The following DDX60L variants were observed in gnomAD, a reference collection of about 807,000 sequenced individuals.
The protein encoded by DDX60L is DExD/H-box 60 like, also known as probable ATP-dependent RNA helicase DDX60-like.
DDX60L carries 191 observed loss-of-function variants against 211.6 expected under a neutral mutation model. That is an observed-to-expected ratio of 0.90 (90% CI 0.80 to 1.02). The LOEUF is 1.02. DDX60L is among the 50% of genes least tolerant of loss of function. DDX60L has a pLI of 0.00. For synonymous variants in DDX60L, 706 were observed against 694.1 expected, an observed-to-expected ratio of 1.02 and a Z score of -0.27; for missense variants, 2,007 against 1,984.1, an observed-to-expected ratio of 1.01 and a Z score of -0.22.
chr4:168,394,797 A>T (rs554280978), intron 27 of DDX60L, among the ~76,000 whole-genome samples, 180 bp from the exon 28 acceptor site: 2 of 152,332 alleles, frequency 1.3e-5, no homozygotes, highest in South Asian at 4.1e-4. Flanking sequence ...ATTTTTGTGA[A>T]CAGACTCTCT....
chr4:168,427,382 C>T (rs1751633457), intron 13 of DDX60L, 60 bp from the exon 14 acceptor site: 4 of 1,547,218 alleles, frequency 2.6e-6, no homozygotes, highest in Non-Finnish European at 3.5e-6. Flanking sequence ...TGACATTTCA[C>T]TAGTGAGATT....
chr4:168,405,809 A>C (rs1747649363), intron 24 of DDX60L, 141 bp downstream of exon 24: 5 of 855,998 alleles, frequency 5.8e-6, no homozygotes, highest in Admixed American at 3.4e-5. Flanking sequence ...TCTCATACTC[A>C]CTGGATAACA....
rs1439815998 is a variant in DDX60L, at chr4:168,441,460, T to A, written c.1171A>T (p.Arg391Trp). The change falls in exon 10 of 38, where the codon AGG becomes TGG. Residue 391 changes from arginine (R) to tryptophan (W), a missense_variant. Physicochemically the swap from Arg to Trp is moderately radical, Grantham distance 101 (BLOSUM62 -3). Transcript: ENST00000682922. ...PHLNLGDSIRRDYEDLWNVVS... is the reference protein window; with the variant it reads ...PHLNLGDSIRWDYEDLWNVVS... Reference sequence around the variant, plus strand: ...ACATTCCACAGGTCTTCATAATCCCTCCTAATGGAATCTCCCAAATTCAAA... The same window carrying A: ...ACATTCCACAGGTCTTCATAATCCCACCTAATGGAATCTCCCAAATTCAAA... 18 of 1,605,308 alleles carry A rather than the reference T, an allele frequency of 1.1e-5. No individual in the cohort carries two copies. The highest frequency in any genetic ancestry group is 1.4e-5 in the Non-Finnish European group (17 of 1,176,900).
rs1257898382 is a variant in DDX60L at position 168,358,033 on chromosome 4, TTC to T, written c.*112_*113del. 4 of 927,196 alleles carry T rather than the reference TTC, an allele frequency of 4.3e-6. No individual in the cohort carries two copies. In the African/African-American group the frequency reaches 6.8e-5, roughly 16 times the overall value. The allele number at this position is 927,196 out of a possible 1,614,324, so 57.4% of individuals were successfully genotyped here. ...TAGCAGAGCTGATATCTGAGTTTAA[TTC>T]TGTTTGACTCCAAGACAAACATTTT... On this transcript the variant is annotated 3_prime_UTR_variant, in exon 38 of 38. Transcript: ENST00000682922.
chr4:168,441,389 A>C lies in DDX60L; in HGVS notation c.1242T>G (p.Pro414=). ...VKEFNVGKSF[P]LRTTRRHFLR... ...GAAAATGTCTTCTTGTTGTTCTCAG[A>C]GGAAAAGACTTTCCAACGTTAAATT... Residue 414 remains proline (P), a synonymous_variant, in exon 10 of 38, where the codon CCT becomes CCG. Coordinates refer to ENST00000682922, the MANE Select transcript of DDX60L (RefSeq NM_001012967.3). 6.2e-7 allele frequency: 1 copy of C among 1,612,516 alleles called. No homozygotes were observed. Among genetic ancestry groups the C allele is most frequent in the South Asian group, 1.1e-5 (1 of 90,830 alleles).
At chr4:168,427,017 A>C in intron 14 of DDX60L, 53 bp downstream of exon 14, 1 of 1,508,042 alleles carries the variant, frequency 6.6e-7, no homozygotes, top group Non-Finnish European at 8.9e-7. Flanking sequence ...ATATGTTAAC[A>C]TCATTAATAT....
At chr4:168,449,804 A>AC (rs1755539688) in intron 8 of DDX60L, among the ~76,000 whole-genome samples, 2 of 62,910 alleles carry the variant, frequency 3.2e-5, no homozygotes, top group African/African-American at 1.0e-4. Flanking sequence ...GTGGGTAAAA[A>AC]TAAAAAAAAA....
intron 10 of DDX60L, among the ~76,000 whole-genome samples, chr4:168,435,353 C>T (rs564980753): frequency 2.0e-5 from 3 of 152,258 alleles, no homozygotes; most frequent in South Asian, 4.1e-4. Flanking sequence ...ATACTGCATT[C>T]CTGGAGGGAT....
At chr4:168,424,150 G>C (rs781095653) in intron 14 of DDX60L, among the ~76,000 whole-genome samples, 12 of 152,280 alleles carry the variant, frequency 7.9e-5, no homozygotes, top group Non-Finnish European at 1.0e-4. Flanking sequence ...CTTGTTCACA[G>C]GAAAAAGTCC....
intron 24 of DDX60L, 78 bp downstream of exon 24, chr4:168,405,872 T>A (rs370152137): frequency 1.2e-5 from 17 of 1,412,962 alleles, no homozygotes; most frequent in Admixed American, 9.1e-5. Flanking sequence ...TTACAAAACA[T>A]TTATTGGCTA....
At chr4:168,409,222 G>C (rs1748264289) in intron 22 of DDX60L, among the ~76,000 whole-genome samples, 1 of 152,146 alleles carries the variant, frequency 6.6e-6, no homozygotes, top group Non-Finnish European at 1.5e-5. Context: ...TCATACAACA[G>C]CACAGCTCTG....
At chr4:168,369,922 A>T (rs1740698097) in intron 36 of DDX60L, among the ~76,000 whole-genome samples, 1 of 152,132 alleles carries the variant, frequency 6.6e-6, no homozygotes. Context: ...AAAAGAAAGC[A>T]AGTGTTGGTG....
intron 36 of DDX60L, among the ~76,000 whole-genome samples, chr4:168,369,488 A>C (rs2634941): frequency 6.8e-6 from 1 of 147,006 alleles, no homozygotes; most frequent in Non-Finnish European, 1.5e-5. Flanking sequence ...AAAAACAAAA[A>C]AAAAAAAACA....
intron 4 of DDX60L, among the ~76,000 whole-genome samples, chr4:168,464,982 A>T (rs1261722194): frequency 6.6e-6 from 1 of 152,068 alleles, no homozygotes; most frequent in African/African-American, 2.4e-5. Flanking sequence ...TCTCTTTAAC[A>T]TACTGATTTC....
At chr4:168,360,739 G>A (rs1055783478) in intron 37 of DDX60L, among the ~76,000 whole-genome samples, 3 of 152,296 alleles carry the variant, frequency 2.0e-5, no homozygotes, top group African/African-American at 4.8e-5. Flanking sequence ...CACTGGGTAC[G>A]AGAAAGATTT....
At chr4:168,392,646 C>G (rs1745046175) in intron 28 of DDX60L, among the ~76,000 whole-genome samples, 1 of 152,086 alleles carries the variant, frequency 6.6e-6, no homozygotes, top group Non-Finnish European at 1.5e-5. Flanking sequence ...GAGTTCGAGA[C>G]CAGCCTGACC....
intron 3 of DDX60L, 90 bp downstream of exon 3, chr4:168,472,365 G>A (rs1038369725): frequency 1.1e-6 from 1 of 939,452 alleles, no homozygotes; most frequent in Non-Finnish European, 1.6e-6. Context: ...TAGGTTGAGT[G>A]ATCATGTATA....
intron 9 of DDX60L, among the ~76,000 whole-genome samples, chr4:168,442,984 A>G (rs1159669033): frequency 6.6e-6 from 1 of 152,366 alleles, no homozygotes; most frequent in African/African-American, 2.4e-5. Flanking sequence ...CCTCCTCCAA[A>G]GGAACGCAGT....
At chr4:168,407,947 A>C (rs762441459) in intron 22 of DDX60L, among the ~76,000 whole-genome samples, 1 of 152,242 alleles carries the variant, frequency 6.6e-6, no homozygotes, top group Non-Finnish European at 1.5e-5. Context: ...TGCAACATAA[A>C]GAATCATCAT....
Sources: allele counts gnomAD v4.1 joint callset (sites outside exome capture counted in the v4.1 genomes callset), GRCh38; gene constraint gnomAD v4.1.1; transcripts MANE v1.5; gene names NCBI Gene and HGNC (gene_info 2026-07-23, HGNC 2026-07-21).